ABRAXAS1: variants seen among roughly 807,000 people sequenced by gnomAD.
ABRAXAS1 encodes abraxas 1, BRCA1 A complex subunit.
ABRAXAS1 carries 26 observed loss-of-function variants against 38.4 expected under a neutral mutation model. The ratio of observed to expected loss-of-function variants is 0.68; its 90% confidence interval spans 0.50 to 0.94. The LOEUF is 0.94. Ranked by LOEUF, ABRAXAS1 falls within the 40% of genes least tolerant of loss-of-function variation. ABRAXAS1 has a pLI of 0.00. For missense variants in ABRAXAS1, 438 were observed against 481.9 expected (o/e 0.91, Z 0.85); for synonymous variants, 144 against 165.5 (o/e 0.87, Z 1.00).
chr4:83,471,573 C>T (rs1722593566), intron 4 of ABRAXAS1, among the ~76,000 whole-genome samples: 1 of 152,048 alleles, frequency 6.6e-6, no homozygotes, highest in African/African-American at 2.4e-5. Context: ...AAAGTAGTGC[C>T]TTGAAAAAAT....
chr4:83,468,163 G>T (rs894842668), intron 6 of ABRAXAS1, among the ~76,000 whole-genome samples: 2 of 151,920 alleles, frequency 1.3e-5, no homozygotes, highest in Non-Finnish European at 2.9e-5. Flanking sequence ...AAATTAGCCG[G>T]GCATGGTGGT....
At position 83,462,811 on chromosome 4, in the gene ABRAXAS1, T is replaced by C; in HGVS notation, c.888A>G (p.Ser296=). Reference sequence around the variant, plus strand: ...GTCTATTTTTTAAAGACATAACACATGAATGAAGAAATTCAGAATTTGGAA... The same window carrying C: ...GTCTATTTTTTAAAGACATAACACACGAATGAAGAAATTCAGAATTTGGAA... ...TFFPNSEFLH[S]CVMSLKNRHV... Residue 296 remains serine, a synonymous_variant, in exon 9 of 9, where the codon TCA becomes TCG. Transcript: ENST00000321945. 1 of 1,612,280 alleles carries C rather than the reference T, an allele frequency of 6.2e-7. No homozygotes were observed. Among genetic ancestry groups the C allele is most frequent in the Admixed American group, 1.7e-5 (1 of 59,598 alleles).
intron 1 of ABRAXAS1, 113 bp from the exon 2 acceptor site, chr4:83,482,357 G>T (rs1464956617): frequency 2.2e-5 from 12 of 557,960 alleles, no homozygotes; most frequent in Non-Finnish European, 3.4e-5. Context: ...ACCAGTCGGG[G>T]GCACATATGA....
chr4:83,465,068 G>A (rs1428564003), intron 7 of ABRAXAS1, among the ~76,000 whole-genome samples: 1 of 152,080 alleles, frequency 6.6e-6, no homozygotes, highest in African/African-American at 2.4e-5. Flanking sequence ...GGCTGAGGCA[G>A]GTAGATAACC....
intron 2 of ABRAXAS1, among the ~76,000 whole-genome samples, chr4:83,480,768 T>A (rs1722972691): frequency 6.6e-6 from 1 of 152,176 alleles, no homozygotes; most frequent in Admixed American, 6.5e-5. Context: ...AACAGCTGAT[T>A]ATAACATATT....
rs922820911 is a variant in ABRAXAS1, at chr4:83,482,278, C to A, written c.88-34G>T. On this transcript the variant is annotated intron_variant, in intron 1 of 8. Transcript: ENST00000321945. Reference sequence around the variant, plus strand: ...ATAAAGAGGCAATATATAGAATACACTGATAGAATTACTGTTCACTTAACT... The same window carrying A: ...ATAAAGAGGCAATATATAGAATACAATGATAGAATTACTGTTCACTTAACT... The A allele has an allele frequency of 2.3e-6, 3 of 1,281,054 alleles. No individual in the cohort carries two copies. The African/African-American group carries it at 4.4e-5, about 19-fold the overall frequency. 79.4% of individuals were successfully genotyped at this position (1,281,054 alleles called of 1,614,324 possible).
intron 2 of ABRAXAS1, chr4:83,477,518 G>T: frequency 2.3e-6 from 1 of 441,872 alleles, no homozygotes. Flanking sequence ...TGATGAGCCT[G>T]AGCAGCAGCA....
In ABRAXAS1 at chr4:83,461,384, T is replaced by A; in HGVS notation, c.*1085A>T. The A allele has an allele frequency of 1.8e-6, 1 of 565,096 alleles. No individual in the cohort carries two copies. Among genetic ancestry groups the A allele is most frequent in the Non-Finnish European group, 3.2e-6 (1 of 315,172 alleles). The allele number at this position is 565,096 out of a possible 1,614,324, so 35.0% of individuals were successfully genotyped here. A position where few individuals can be genotyped will look rare whatever the true frequency, so the allele number is the denominator to read the frequency against. On this transcript the variant is annotated 3_prime_UTR_variant, in exon 9 of 9. Coordinates refer to ENST00000321945, the MANE Select transcript of ABRAXAS1 (RefSeq NM_139076.3). ...AAATGTTAACACTCATCACATTTTATCTATGTTGAATAAAAGTGGTTCTGT... is the reference window on the plus strand; with the variant it reads ...AAATGTTAACACTCATCACATTTTAACTATGTTGAATAAAAGTGGTTCTGT...
chr4:83,468,092 C>T (rs946078750), intron 6 of ABRAXAS1, among the ~76,000 whole-genome samples: 1 of 151,956 alleles, frequency 6.6e-6, no homozygotes, highest in Admixed American at 6.6e-5. Context: ...CACCTGAGGT[C>T]GGGAGTTTGA....
intron 1 of ABRAXAS1, among the ~76,000 whole-genome samples, chr4:83,483,494 G>A (rs936898393): frequency 6.6e-5 from 10 of 151,916 alleles, no homozygotes; most frequent in Non-Finnish European, 1.5e-4. Flanking sequence ...TGTTGCCCAC[G>A]CTGGTCTTGA....
rs1424946277 is a variant in ABRAXAS1 at position 83,484,931 on chromosome 4, C to T, written c.87+55G>A. On this transcript the variant is annotated intron_variant, in intron 1 of 8. Coordinates refer to ENST00000321945, the MANE Select transcript of ABRAXAS1 (RefSeq NM_139076.3). ...CCGGAGCAACAGCGGGGAGGCAGGC[C>T]GCGCGCAGGGCTCTTCCCAGGCGAC... is the stretch of plus-strand genomic sequence containing the variant. 2.8e-6 allele frequency: 4 copies of T among 1,453,222 alleles called. No individual in the cohort carries two copies. The Admixed American group carries it at 8.2e-5, about 30-fold the overall frequency. 90.0% of individuals were successfully genotyped at this position (1,453,222 alleles called of 1,614,324 possible).
Position 83,462,417 on chromosome 4 carries a change from T to G in ABRAXAS1, c.*52A>C. 1 of 1,466,128 alleles carries G rather than the reference T, an allele frequency of 6.8e-7. No individual in the cohort carries two copies. Among genetic ancestry groups the G allele is most frequent in the Non-Finnish European group, 9.2e-7 (1 of 1,081,124 alleles). 90.8% of individuals were successfully genotyped at this position (1,466,128 alleles called of 1,614,324 possible). A position where few individuals can be genotyped will look rare whatever the true frequency, so the allele number is the denominator to read the frequency against. The stretch of plus-strand genomic sequence containing the variant: ...AACATAGTAAAAACAATAGAAATGT[T>G]TGGCTTTACCCATCAGCCAAATAAA... On this transcript the variant is annotated 3_prime_UTR_variant, in exon 9 of 9. Coordinates refer to ENST00000321945, the MANE Select transcript of ABRAXAS1 (RefSeq NM_139076.3).
chr4:83,472,262 T>C lies in ABRAXAS1; in HGVS notation c.242A>G (p.Asn81Ser). Residue 81 changes from asparagine (N) to serine (S), a missense_variant, in exon 4 of 9, where the codon AAT becomes AGT. Coordinates refer to ENST00000321945, the MANE Select transcript of ABRAXAS1 (RefSeq NM_139076.3). The stretch of plus-strand genomic sequence containing the variant: ...TAATATTTTCTTCAGTGCTTGCTCA[T>C]TTACTTCGCCTGAAGAATTATAAAA... ...FSFYNSSGEV[N>S]EQALKKILSN... is the part of the protein sequence containing the mutation. The C allele has an allele frequency of 6.5e-7, 1 of 1,529,124 alleles. No homozygotes were observed. Among genetic ancestry groups the C allele is most frequent in the Non-Finnish European group, 8.8e-7 (1 of 1,137,598 alleles). 94.7% of individuals were successfully genotyped at this position (1,529,124 alleles called of 1,614,324 possible). A position where few individuals can be genotyped will look rare whatever the true frequency, so the allele number is the denominator to read the frequency against.
chr4:83,481,768 G>A (rs1344844616), intron 2 of ABRAXAS1, among the ~76,000 whole-genome samples: 2 of 150,876 alleles, frequency 1.3e-5, no homozygotes, highest in African/African-American at 4.9e-5. Context: ...TTCTTTTTTT[G>A]AGACAGAGTC....
intron 1 of ABRAXAS1, among the ~76,000 whole-genome samples, chr4:83,482,471 G>A (rs906418465): frequency 2.6e-5 from 4 of 152,224 alleles, no homozygotes; most frequent in African/African-American, 9.6e-5. Flanking sequence ...AGCACTGGGA[G>A]GCCAAGGTGG....
Position 83,476,437 on chromosome 4 carries a change from A to C in ABRAXAS1, c.215+206T>G, listed in dbSNP as rs17352803. 0.35 allele frequency among the ~76,000 whole-genome samples: 53,957 copies of C among 152,046 alleles called. 11,258 individuals carry two copies. Among genetic ancestry groups the C allele is most frequent in the East Asian group, 0.67 (3,439 of 5,166 alleles). ...CCTGGGAAAGGTAATGAAGATCAGC[A>C]TTAAGTAATATAAATACAGAGAAAG... On this transcript the variant is annotated intron_variant, in intron 3 of 8. Coordinates refer to ENST00000321945, the MANE Select transcript of ABRAXAS1 (RefSeq NM_139076.3).
intron 2 of ABRAXAS1, chr4:83,480,336 C>T: frequency 2.5e-6 from 1 of 407,776 alleles, no homozygotes. Flanking sequence ...CATGCCACTT[C>T]ACTCCAGTCT....
intron 7 of ABRAXAS1, among the ~76,000 whole-genome samples, chr4:83,466,233 T>A (rs184809678): frequency 8.5e-5 from 13 of 152,326 alleles, no homozygotes; most frequent in African/African-American, 2.9e-4. Context: ...TGCAGTGTTG[T>A]CTGAAGGCTC....
intron 3 of ABRAXAS1, among the ~76,000 whole-genome samples, chr4:83,473,221 A>C (rs944854080): frequency 6.6e-6 from 1 of 152,170 alleles, no homozygotes. Flanking sequence ...CAGAATTTGC[A>C]GTGAGATGAG....
Sources: allele counts gnomAD v4.1 joint callset (sites outside exome capture counted in the v4.1 genomes callset), GRCh38; gene constraint gnomAD v4.1.1; transcripts MANE v1.5; gene names NCBI Gene and HGNC (gene_info 2026-07-23, HGNC 2026-07-21).